Variants in CAMSAP2 observed in about 807,000 individuals in gnomAD.
CAMSAP2 encodes the protein calmodulin regulated spectrin associated protein family member 2.
In CAMSAP2, 26 loss-of-function variants were observed where a neutral mutation model predicts 146.1. The ratio of observed to expected loss-of-function variants is 0.18; its 90% CI spans 0.13 to 0.25. The LOEUF is 0.25. Among genes scored for constraint, CAMSAP2 ranks in the 10% least tolerant of loss-of-function variants. CAMSAP2 has a pLI of 1.00. For synonymous variants in CAMSAP2, 499 were observed against 596.6 expected (o/e 0.84, Z 2.38); for missense variants, 1,381 against 1,759.3 (o/e 0.78, Z 3.85).
At chr1:200,856,809 G>A (rs1667762271) in intron 15 of CAMSAP2, among the ~76,000 whole-genome samples, 1 of 152,156 alleles carries the variant, frequency 6.6e-6, no homozygotes, top group Non-Finnish European at 1.5e-5. Context: ...ACTTGCTAGA[G>A]ACCCACTCTG....
chr1:200,846,501 A>G (rs1378436685), intron 8 of CAMSAP2, among the ~76,000 whole-genome samples: 4 of 152,208 alleles, frequency 2.6e-5, no homozygotes, highest in African/African-American at 7.2e-5. Context: ...ATGGATGTCT[A>G]CATTCTTTTC....
At chr1:200,812,475 A>AT (rs1218895789) in intron 3 of CAMSAP2, among the ~76,000 whole-genome samples, 5 of 151,918 alleles carry the variant, frequency 3.3e-5, no homozygotes, top group African/African-American at 9.7e-5. Flanking sequence ...ACTGCAGTGT[A>AT]TTTTTTTTCC....
At chr1:200,824,750 G>A (rs1045622108) in intron 4 of CAMSAP2, among the ~76,000 whole-genome samples, 3 of 152,234 alleles carry the variant, frequency 2.0e-5, no homozygotes, top group Non-Finnish European at 2.9e-5. Context: ...AGGCCGAGGC[G>A]GGTGGATCAC....
chr1:200,818,384 C>T (rs1194678280), intron 4 of CAMSAP2, among the ~76,000 whole-genome samples: 1 of 152,038 alleles, frequency 6.6e-6, no homozygotes, highest in Non-Finnish European at 1.5e-5. Flanking sequence ...TGCAGTTGCA[C>T]GTATTAACTG....
In CAMSAP2 at chr1:200,849,157, T is replaced by C. The variant is rs777518980; in HGVS notation, c.2388T>C (p.Asp796=). Residue 796 remains aspartate, a synonymous_variant, in exon 11 of 17, where the codon GAT becomes GAC. Transcript: ENST00000358823. This position sits in a 1 kb window ranked among gnomAD's most constrained non-coding sequence, Gnocchi z 6.3. ...AFLTVVKKKG[D]GISPLREEAA... Reference sequence around the variant, plus strand: ...TTACTGTAGTGAAAAAGAAAGGGGATGGGATATCTCCTCTACGAGAGGAAG... The same window carrying C: ...TTACTGTAGTGAAAAAGAAAGGGGACGGGATATCTCCTCTACGAGAGGAAG... 5.0e-6 allele frequency: 8 copies of C among 1,614,020 alleles called. No homozygotes were observed. Among genetic ancestry groups the C allele is most frequent in the Non-Finnish European group, 6.8e-6 (8 of 1,179,976 alleles).
chr1:200,740,117 A>C, intron 1 of CAMSAP2, 151 bp downstream of exon 1: 3 of 881,954 alleles, frequency 3.4e-6, no homozygotes, highest in Non-Finnish European at 5.1e-6. Context: ...GAAAGAAAGG[A>C]GAAATAAGGA....
rs562388492 is a variant in CAMSAP2 at position 200,776,325 on chromosome 1, C to T, written c.399+15227C>T. Among the ~76,000 whole-genome samples, 10 of 152,260 alleles carry T rather than the reference C, an allele frequency of 6.6e-5. No homozygotes were observed. In the South Asian group the frequency reaches 2.1e-3, roughly 32 times the overall value. On this transcript the variant is annotated intron_variant, in intron 2 of 16. Transcript: ENST00000358823. ...GCATTAGCTCAGGTTAGGTTCCAAC[C>T]CCTGATGCAGAAATCTGGTAGGTGA...
In CAMSAP2 at chr1:200,816,883, CGTGT is replaced by C. The variant is rs201969565; in HGVS notation, c.645+1242_645+1245del. The stretch of plus-strand genomic sequence containing the variant: ...GTGTGTATGTGTGTACACACACACG[CGTGT>C]GTATGTGTGTACACACACACGCGTG... On this transcript the variant is annotated intron_variant, in intron 4 of 16. Transcript: ENST00000358823. Among the ~76,000 whole-genome samples the C allele has an allele frequency of 4.3e-4, 27 of 63,192 alleles. 6 individuals are homozygous for C. Among genetic ancestry groups the C allele is most frequent in the South Asian group, 2.2e-3 (4 of 1,848 alleles). 41.5% of individuals were successfully genotyped at this position (63,192 alleles called of 152,430 possible). A position where few individuals can be genotyped will look rare whatever the true frequency, so the allele number is the denominator to read the frequency against.
intron 4 of CAMSAP2, among the ~76,000 whole-genome samples, chr1:200,823,765 A>C (rs891241522): frequency 2.6e-5 from 4 of 152,348 alleles, no homozygotes; most frequent in African/African-American, 9.6e-5. Context: ...CACCACCTCC[A>C]TCCTGCACTC....
At chr1:200,751,866 G>T (rs1219852702) in intron 1 of CAMSAP2, among the ~76,000 whole-genome samples, 2 of 152,196 alleles carry the variant, frequency 1.3e-5, no homozygotes, top group Non-Finnish European at 2.9e-5. Context: ...ATTAGATGGA[G>T]AATAGGGTTG....
intron 4 of CAMSAP2, among the ~76,000 whole-genome samples, chr1:200,817,068 ATAT>A (rs1169550545): frequency 1.4e-5 from 2 of 138,578 alleles, no homozygotes; most frequent in African/African-American, 5.2e-5. Context: ...ACACACACGT[ATAT>A]ATGTGTATAC....
At chr1:200,822,954 T>C (rs1271428988) in intron 4 of CAMSAP2, among the ~76,000 whole-genome samples, 2 of 152,168 alleles carry the variant, frequency 1.3e-5, no homozygotes, top group Non-Finnish European at 2.9e-5. Context: ...TACAAAACTA[T>C]GGGTAAGGGG....
At position 200,858,819 on chromosome 1, in the gene CAMSAP2, AC is replaced by A. The variant is rs1486308609; in HGVS notation, c.*762del. ...CTGATTAAATCAGTGCTGTTTTTAC[AC>A]CACTTCTGGCCAACTCAGAATAATT... is the stretch of plus-strand genomic sequence containing the variant. On this transcript the variant is annotated 3_prime_UTR_variant, in exon 17 of 17. Transcript: ENST00000358823. The A allele has an allele frequency of 2.0e-5, 3 of 152,602 alleles. No homozygotes were observed. The highest frequency in any genetic ancestry group is 4.4e-5 in the Non-Finnish European group (3 of 67,902). 9.5% of individuals were successfully genotyped at this position (152,602 alleles called of 1,614,324 possible).
intron 2 of CAMSAP2, among the ~76,000 whole-genome samples, chr1:200,796,612 GTTTATC>G (rs962983459): frequency 6.6e-6 from 1 of 150,674 alleles, no homozygotes; most frequent in Admixed American, 6.6e-5. Flanking sequence ...ATGTCTTTCT[GTTTATC>G]TTTAATTTCT....
chr1:200,756,915 G>A (rs1268598148), intron 1 of CAMSAP2, among the ~76,000 whole-genome samples: 2 of 152,080 alleles, frequency 1.3e-5, no homozygotes, highest in Admixed American at 6.6e-5. Flanking sequence ...TCATATATTA[G>A]GGTATTCATA....
chr1:200,781,756 C>G (rs1476477277), intron 2 of CAMSAP2, among the ~76,000 whole-genome samples: 2 of 151,974 alleles, frequency 1.3e-5, no homozygotes, highest in Non-Finnish European at 2.9e-5. Context: ...GTTGCCCTGG[C>G]TGGTTTCGAA....
chr1:200,784,619 A>G (rs61046353), intron 2 of CAMSAP2, among the ~76,000 whole-genome samples: 425 of 152,308 alleles, frequency 2.8e-3, no homozygotes, highest in African/African-American at 9.4e-3. Context: ...TGACCTTGCT[A>G]TATACATTTA....
chr1:200,790,583 T>C (rs1389165758), intron 2 of CAMSAP2, among the ~76,000 whole-genome samples: 8 of 152,212 alleles, frequency 5.3e-5, no homozygotes, highest in African/African-American at 1.9e-4. Flanking sequence ...TCTGGTAATC[T>C]GTGACTTCCC....
In CAMSAP2 at chr1:200,849,669, G is replaced by C. The variant is rs1459745865; in HGVS notation, c.2900G>C (p.Ser967Thr). 5.6e-6 allele frequency: 9 copies of C among 1,614,070 alleles called. No homozygotes were observed. The highest frequency in any genetic ancestry group is 1.3e-5 in the African/African-American group (1 of 74,906). Residue 967 changes from serine (S) to threonine (T), a missense_variant, in exon 11 of 17, where the codon AGT becomes ACT. Coordinates refer to ENST00000358823, the MANE Select transcript of CAMSAP2 (RefSeq NM_203459.4). This position sits in a 1 kb window ranked among gnomAD's most constrained non-coding sequence, Gnocchi z 6.3. The stretch of plus-strand genomic sequence containing the variant: ...TCTCCACAGTCTTCTAACAGGAAAA[G>C]TGCATCTTTTTCTGTTAAAAGTCAA... ...HPSPQSSNRK[S>T]ASFSVKSQRT...
Sources: gnomAD v4.1 joint callset for allele counts (sites outside exome capture counted in the v4.1 genomes callset) on GRCh38, gnomAD v4.1.1 for gene constraint, Gnocchi (gnomAD v3.1) non-coding constraint, MANE v1.5 for transcripts, NCBI Gene and HGNC (gene_info 2026-07-23, HGNC 2026-07-21) for gene names.